KCNU1: variants seen among roughly 807,000 people sequenced by gnomAD.
KCNU1 encodes the protein potassium calcium-activated channel subfamily U member 1, also known as potassium channel subfamily U member 1.
A neutral mutation model predicts 126.8 loss-of-function variants in KCNU1; 93 were observed. The ratio of observed to expected loss-of-function variants is 0.73; its 90% CI spans 0.62 to 0.87. The LOEUF is 0.87. KCNU1 is among the 40% of genes least tolerant of loss of function. The pLI is 0.00. For synonymous variants in KCNU1, 523 were observed against 494.2 expected (o/e 1.06, Z -0.77); for missense variants, 1,330 against 1,367.1 (o/e 0.97, Z 0.43).
At chr8:36,836,972 T>C in intron 14 of KCNU1, 27 bp downstream of exon 14, 1 of 1,611,982 alleles carries the variant, frequency 6.2e-7, no homozygotes, top group Non-Finnish European at 8.5e-7. Context: ...CTGTTGATTC[T>C]TGGCTCTGTT....
chr8:36,909,021 C>G (rs889239989), intron 20 of KCNU1, among the ~76,000 whole-genome samples: 1 of 152,166 alleles, frequency 6.6e-6, no homozygotes, highest in Admixed American at 6.5e-5. Flanking sequence ...CTAATGATTT[C>G]ACACCCTGAG....
intron 19 of KCNU1, among the ~76,000 whole-genome samples, chr8:36,905,410 TC>T (rs1807583076): frequency 6.7e-6 from 1 of 149,030 alleles, no homozygotes; most frequent in Non-Finnish European, 1.5e-5. Flanking sequence ...TCATACAGTA[TC>T]AAAATTAAAA....
rs533337923 is a variant in KCNU1 at position 36,805,661 on chromosome 8, A to C, written c.468+376A>C. Among the ~76,000 whole-genome samples the C allele has an allele frequency of 1.6e-4, 25 of 152,042 alleles. No homozygotes were observed. In the South Asian group the frequency reaches 4.4e-3, roughly 27 times the overall value. ...GCCTGCAATACAACTGTGGAAAATA[A>C]CTTTGTATCTTTGTTTCATTTTGTT... On this transcript the variant is annotated intron_variant, in intron 4 of 26. Coordinates refer to ENST00000399881, the MANE Select transcript of KCNU1 (RefSeq NM_001031836.3).
intron 18 of KCNU1, among the ~76,000 whole-genome samples, chr8:36,847,745 A>G (rs1805203086): frequency 6.6e-6 from 1 of 152,212 alleles, no homozygotes; most frequent in African/African-American, 2.4e-5. Flanking sequence ...TGCTTCCATA[A>G]CTTAGCTATT....
At chr8:36,801,285 C>T (rs1214161035) in intron 2 of KCNU1, among the ~76,000 whole-genome samples, 1 of 152,142 alleles carries the variant, frequency 6.6e-6, no homozygotes, top group African/African-American at 2.4e-5. Context: ...TTGATGGGCA[C>T]CAGGTGATCT....
At chr8:36,922,330 G>GA (rs60216672) in intron 23 of KCNU1, among the ~76,000 whole-genome samples, 160 bp from the exon 24 acceptor site, 34 of 149,730 alleles carry the variant, frequency 2.3e-4, no homozygotes, top group East Asian at 5.9e-4. Context: ...GGAAAGGAAA[G>GA]AAAAAAAAAA....
intron 9 of KCNU1, 93 bp from the exon 10 acceptor site, chr8:36,817,557 A>G: frequency 1.6e-6 from 1 of 638,988 alleles, no homozygotes; most frequent in Non-Finnish European, 2.8e-6. Flanking sequence ...ATTTATTGGA[A>G]ACTAAGTTTA....
intron 10 of KCNU1, among the ~76,000 whole-genome samples, chr8:36,827,494 C>G (rs76607146): frequency 1.1e-3 from 164 of 152,168 alleles, no homozygotes; most frequent in African/African-American, 3.7e-3. Context: ...ACTCAACTCC[C>G]GAGTTATTGA....
At chr8:36,813,551 T>A (rs556660805) in intron 7 of KCNU1, among the ~76,000 whole-genome samples, 25 of 150,922 alleles carry the variant, frequency 1.7e-4, no homozygotes, top group Non-Finnish European at 3.0e-5. Context: ...AAAATTTATA[T>A]ATGATATAAA....
intron 19 of KCNU1, chr8:36,889,224 G>T (rs1383238869): frequency 5.6e-6 from 3 of 534,350 alleles, no homozygotes; most frequent in Non-Finnish European, 7.7e-6. Flanking sequence ...ACCTGGCATG[G>T]TTGCTCTGCT....
chr8:36,810,395 T>C (rs575858603), intron 7 of KCNU1, among the ~76,000 whole-genome samples: 1 of 152,302 alleles, frequency 6.6e-6, no homozygotes, highest in South Asian at 2.1e-4. Flanking sequence ...GTTTCCCTGC[T>C]GGACATCTGG....
intron 9 of KCNU1, among the ~76,000 whole-genome samples, chr8:36,817,395 A>G (rs2130474498): frequency 1.3e-5 from 2 of 149,016 alleles, no homozygotes; most frequent in South Asian, 2.2e-4. Flanking sequence ...GCTACTTGGG[A>G]GGCTGAGGCA....
intron 20 of KCNU1, 93 bp downstream of exon 20, chr8:36,905,897 C>T (rs1409391603): frequency 3.2e-6 from 2 of 625,454 alleles, no homozygotes; most frequent in Non-Finnish European, 5.6e-6. Context: ...TGTCACTTCC[C>T]TTTGTAAACT....
In KCNU1 at chr8:36,864,393, T is replaced by C. The variant is rs1323904626; in HGVS notation, c.1892-11T>C. On this transcript the variant is annotated splice_polypyrimidine_tract_variant and intron_variant, in intron 18 of 26. Transcript: ENST00000399881. ...ATGTGCCAACTCACTGAGATTTCTA[T>C]CCTATTGCAGTGCCATCGGTAAAGA... is the stretch of plus-strand genomic sequence containing the variant. The C allele has an allele frequency of 6.8e-7, 1 of 1,465,958 alleles. No individual in the cohort carries two copies. The highest frequency in any genetic ancestry group is 9.6e-7 in the Non-Finnish European group (1 of 1,045,290). 90.8% of individuals were successfully genotyped at this position (1,465,958 alleles called of 1,614,324 possible).
At chr8:36,830,013 A>G (rs1428475972) in intron 10 of KCNU1, among the ~76,000 whole-genome samples, 1 of 149,668 alleles carries the variant, frequency 6.7e-6, no homozygotes, top group Non-Finnish European at 1.5e-5. Flanking sequence ...TTCCATATAA[A>G]TAATTATATT....
intron 10 of KCNU1, 66 bp from the exon 11 acceptor site, chr8:36,833,488 A>C: frequency 1.1e-6 from 1 of 916,542 alleles, no homozygotes; most frequent in East Asian, 2.5e-5. Context: ...ATTAGTTATA[A>C]AAACCTCTAA....
In KCNU1 at chr8:36,935,529, G is replaced by A. The variant is rs767351153; in HGVS notation, c.3059G>A (p.Arg1020Gln). 1.1e-5 allele frequency: 17 copies of A among 1,598,120 alleles called. No individual in the cohort carries two copies. Among genetic ancestry groups the A allele is most frequent in the African/African-American group, 6.7e-5 (5 of 74,452 alleles). ...NPENKRFVIT[R>Q]PANEFKLLPS... ...TTGTCTTACAGGTTTGTGATCACCC[G>A]GCCAGCCAATGAGTTCAAGCTGCTG... is the stretch of plus-strand genomic sequence containing the variant. The change falls in exon 27 of 27, where the codon CGG (arginine) becomes CAG (glutamine). Residue 1020 changes from arginine (R) to glutamine (Q), a missense_variant. Physicochemically the swap from Arg to Gln is conservative, Grantham distance 43 (BLOSUM62 1). Transcript: ENST00000399881.
chr8:36,904,063 A>G (rs531954180), intron 19 of KCNU1, among the ~76,000 whole-genome samples: 19 of 152,234 alleles, frequency 1.2e-4, no homozygotes, highest in African/African-American at 4.3e-4. Context: ...GCTGTCAAAG[A>G]GGGGCCATTC....
At chr8:36,906,936 G>A (rs1422337033) in intron 20 of KCNU1, among the ~76,000 whole-genome samples, 2 of 152,124 alleles carry the variant, frequency 1.3e-5, no homozygotes, top group African/African-American at 4.8e-5. Flanking sequence ...TCTTTAGAAA[G>A]GTCAGGAAGT....
Sources: gnomAD v4.1 joint callset for allele counts (sites outside exome capture counted in the v4.1 genomes callset) on GRCh38, gnomAD v4.1.1 for gene constraint, MANE v1.5 for transcripts, NCBI Gene and HGNC (gene_info 2026-07-23, HGNC 2026-07-21) for gene names.